The following KLHL38 variants were observed in gnomAD, a reference collection of about 807,000 sequenced individuals.
KLHL38 encodes kelch like family member 38.
In KLHL38, 38 loss-of-function variants were observed where a neutral mutation model predicts 39.6. The ratio of observed to expected loss-of-function variants is 0.96; its 90% CI spans 0.74 to 1.26. The LOEUF is 1.26. Ranked by LOEUF, KLHL38 falls within the 50% of genes most tolerant of loss-of-function variation. KLHL38 has a pLI of 0.00. For synonymous variants in KLHL38, 322 were observed against 302.2 expected, an observed-to-expected ratio of 1.07 and a Z score of -0.68; for missense variants, 803 against 748.1, an observed-to-expected ratio of 1.07 and a Z score of -0.86.
At position 123,647,025 on chromosome 8, in the gene KLHL38, G is replaced by C. The variant is rs770173715; in HGVS notation, c.1351-11C>G. 16 of 1,460,488 alleles carry C rather than the reference G, an allele frequency of 1.1e-5. No homozygotes were observed. The highest frequency in any genetic ancestry group is 1.4e-5 in the Non-Finnish European group (15 of 1,042,294). 90.5% of individuals were successfully genotyped at this position (1,460,488 alleles called of 1,614,324 possible). On this transcript the variant is annotated splice_polypyrimidine_tract_variant and intron_variant, in intron 2 of 3. Transcript: ENST00000684634. ...GGAAATGTGATAAACCTGAGGGAGA[G>C]AGAGAATCATGGCACTGCATTTTAA...
chr8:123,649,439 C>T (rs1246131744), intron 2 of KLHL38, among the ~76,000 whole-genome samples: 2 of 152,120 alleles, frequency 1.3e-5, no homozygotes, highest in East Asian at 3.9e-4. Context: ...TGACCGAGTC[C>T]AAGCCATCAC....
chr8:123,645,470 A>AGG lies in KLHL38; in HGVS notation c.*268_*269insCC. ...GAAAAAGAGAGAGAGAGAGAGAGAG[A>AGG]GAGAGAGAGACAGACAGAGATAGGG... On this transcript the variant is annotated 3_prime_UTR_variant, in exon 4 of 4. Transcript: ENST00000684634. 2.0e-6 allele frequency: 1 copy of AGG among 492,934 alleles called. No homozygotes were observed. The highest frequency in any genetic ancestry group is 3.6e-6 in the Non-Finnish European group (1 of 278,592). The allele number at this position is 492,934 out of a possible 1,614,324, so 30.5% of individuals were successfully genotyped here.
In KLHL38 at chr8:123,647,795, G is replaced by A. The variant is rs941367753; in HGVS notation, c.1351-781C>T. 4.6e-5 allele frequency among the ~76,000 whole-genome samples: 7 copies of A among 152,108 alleles called. No individual in the cohort carries two copies. The South Asian group carries it at 6.2e-4, about 14-fold the overall frequency. On this transcript the variant is annotated intron_variant, in intron 2 of 3. Coordinates refer to ENST00000684634, the MANE Select transcript of KLHL38 (RefSeq NM_001081675.3). ...GTCTTTTCCTATAAAATAAAATTAC[G>A]AGGCCGGGTGCGGTGGCTCACGCCT...
intron 2 of KLHL38, among the ~76,000 whole-genome samples, chr8:123,647,907 A>G (rs761443314): frequency 6.6e-5 from 10 of 152,064 alleles, no homozygotes; most frequent in Non-Finnish European, 1.5e-4. Flanking sequence ...GTGAAACCCC[A>G]TCTCTACTAA....
chr8:123,652,185 A>C lies in KLHL38; in HGVS notation c.742T>G (p.Cys248Gly), dbSNP rs757838919. The C allele has an allele frequency of 2.5e-6, 4 of 1,614,086 alleles. No homozygotes were observed. The African/African-American group carries it at 5.3e-5, about 22-fold the overall frequency. The change falls in exon 2 of 4, where the codon TGC becomes GGC. Residue 248 changes from cysteine to glycine, a missense_variant. By Grantham distance (159) the Cys-to-Gly change is radical. Transcript: ENST00000684634. ...NDALLQSSPA[C>G]QIILETAKRQ... ...TTGGCGGTCTCCAAGATGATCTGGC[A>C]TGCAGGCGAGGACTGCAGGAGGGCA...
At position 123,652,119 on chromosome 8, in the gene KLHL38, A is replaced by G. The variant is rs773818694; in HGVS notation, c.808T>C (p.Cys270Arg). The G allele has an allele frequency of 1.2e-6, 2 of 1,614,198 alleles. No homozygotes were observed. Among genetic ancestry groups the G allele is most frequent in the Non-Finnish European group, 8.5e-7 (1 of 1,180,034 alleles). Residue 270 changes from cysteine (C) to arginine (R), a missense_variant, in exon 2 of 4, where the codon TGC (cysteine) becomes CGC (arginine). By Grantham distance (180) the Cys-to-Arg change is radical. Coordinates refer to ENST00000684634, the MANE Select transcript of KLHL38 (RefSeq NM_001081675.3). ...FSLCGTTVPD[C>R]KLLLHVPPRN... ...GGAGGGACATGCAACAGGAGTTTGCAGTCTGGGACGGTGGTGCCACACAAA... is the reference window on the plus strand; with the variant it reads ...GGAGGGACATGCAACAGGAGTTTGCGGTCTGGGACGGTGGTGCCACACAAA...
At chr8:123,649,699 G>T (rs937613994) in intron 2 of KLHL38, among the ~76,000 whole-genome samples, 1 of 152,144 alleles carries the variant, frequency 6.6e-6, no homozygotes, top group African/African-American at 2.4e-5. Context: ...CCTCAAGAAG[G>T]TTCCAGGATT....
At chr8:123,648,464 G>A (rs914144334) in intron 2 of KLHL38, among the ~76,000 whole-genome samples, 32 of 152,212 alleles carry the variant, frequency 2.1e-4, no homozygotes, top group African/African-American at 7.2e-4. Flanking sequence ...CACAATGGCC[G>A]TTTCATCGGA....
Position 123,651,927 on chromosome 8 carries a change from T to A in KLHL38, c.1000A>T (p.Ile334Phe), listed in dbSNP as rs11784192. ...KASAITLHRS[I>F]YVLGGMAVSS... ...ACAGCCATGCCCCCCAGCACATAGA[T>A]GCTGCGGTGCAAGGTGATGGCAGAG... is the stretch of plus-strand genomic sequence containing the variant. The change falls in exon 2 of 4, where the codon ATC becomes TTC. Residue 334 changes from isoleucine to phenylalanine, a missense_variant. Ile to Phe is a conservative substitution (Grantham distance 21). Transcript: ENST00000684634. 1 of 1,614,020 alleles carries A rather than the reference T, an allele frequency of 6.2e-7. No individual in the cohort carries two copies. The highest frequency in any genetic ancestry group is 8.5e-7 in the Non-Finnish European group (1 of 1,180,036).
At chr8:123,649,499 A>G (rs900465041) in intron 2 of KLHL38, among the ~76,000 whole-genome samples, 7 of 152,042 alleles carry the variant, frequency 4.6e-5, no homozygotes, top group African/African-American at 1.7e-4. Context: ...CCCTTTGTCC[A>G]CTCAGGCCCC....
In KLHL38 at chr8:123,651,731, C is replaced by A. The variant is rs759952152; in HGVS notation, c.1196G>T (p.Gly399Val). ...GGIGEGQELM[G>V]SMERYDSICN... Reference sequence around the variant, plus strand: ...GATGCTGTCATACCTTTCCATGGAGCCCATGAGCTCCTGCCCTTCTCCAAT... The same window carrying A: ...GATGCTGTCATACCTTTCCATGGAGACCATGAGCTCCTGCCCTTCTCCAAT... The change falls in exon 2 of 4, where the codon GGC (glycine) becomes GTC (valine). Residue 399 changes from glycine (G) to valine (V), a missense_variant. By Grantham distance (109) the Gly-to-Val change is moderately radical. Transcript: ENST00000684634. The A allele has an allele frequency of 1.9e-6, 3 of 1,614,194 alleles. No homozygotes were observed. The highest frequency in any genetic ancestry group is 1.7e-6 in the Non-Finnish European group (2 of 1,180,034).
chr8:123,653,312 G>A (rs1325940936), intron 1 of KLHL38, among the ~76,000 whole-genome samples: 2 of 152,136 alleles, frequency 1.3e-5, no homozygotes, highest in South Asian at 2.1e-4. Flanking sequence ...TTTCCAGATC[G>A]ATGGCATATC....
At chr8:123,646,152 C>T (rs895369236) in intron 3 of KLHL38, 124 bp from the exon 4 acceptor site, 31 of 888,514 alleles carry the variant, frequency 3.5e-5, no homozygotes, top group East Asian at 2.3e-4. Context: ...TGAACTAGCA[C>T]GTGGGATGTT....
In KLHL38 at chr8:123,651,761, C is replaced by A. The variant is rs778960377; in HGVS notation, c.1166G>T (p.Gly389Val). Reference protein sequence around the residue: ...TAHKNFIFSIGGIGEGQELMG... With the variant: ...TAHKNFIFSIVGIGEGQELMG... ...GAGCTCCTGCCCTTCTCCAATCCCC[C>A]CGATGGAGAAGATGAAGTTCTTATG... Residue 389 changes from glycine (G) to valine (V), a missense_variant, in exon 2 of 4, where the codon GGG becomes GTG. Coordinates refer to ENST00000684634, the MANE Select transcript of KLHL38 (RefSeq NM_001081675.3). 6.2e-7 allele frequency: 1 copy of A among 1,614,140 alleles called. No homozygotes were observed. The highest frequency in any genetic ancestry group is 8.5e-7 in the Non-Finnish European group (1 of 1,180,012).
Position 123,645,418 on chromosome 8 carries a change from C to T in KLHL38, c.*321G>A, listed in dbSNP as rs1818643120. ...CACCACTGCACTCCAGCCTGGGCTA[C>T]AGAGTGAAACTCCATCTCAAAAAAA... On this transcript the variant is annotated 3_prime_UTR_variant, in exon 4 of 4. Coordinates refer to ENST00000684634, the MANE Select transcript of KLHL38 (RefSeq NM_001081675.3). 1.2e-5 allele frequency: 4 copies of T among 325,238 alleles called. No homozygotes were observed. In the South Asian group the frequency reaches 1.5e-4, roughly 12 times the overall value. 20.1% of individuals were successfully genotyped at this position (325,238 alleles called of 1,614,324 possible).
In KLHL38 at chr8:123,652,354, C is replaced by T. The variant is rs61730397; in HGVS notation, c.573G>A (p.Gly191=). ...RDYLGDDGLC[G]EEEKVFEALM... ...GGGCCTCAAACACCTTTTCCTCCTC[C>T]CCACAGAGCCCATCATCTCCGAGAT... Residue 191 remains glycine, a synonymous_variant, in exon 2 of 4, where the codon GGG becomes GGA. Transcript: ENST00000684634. 88,445 of 1,613,918 alleles carry T rather than the reference C, an allele frequency of 0.055. 2,737 individuals are homozygous for T. The highest frequency in any genetic ancestry group is 0.063 in the Non-Finnish European group (74,605 of 1,180,006).
chr8:123,652,593 A>T lies in KLHL38; in HGVS notation c.334T>A (p.Ser112Thr). The change falls in exon 2 of 4, where the codon TCC (serine) becomes ACC (threonine). Residue 112 changes from serine (S) to threonine (T), a missense_variant. Transcript: ENST00000684634. ...DNVLPVMEAA[S>T]MLQFPKLFEA... is the part of the protein sequence containing the mutation. ...AACAGCTTGGGGAACTGTAGCATGGAGGCGGCCTCCATCACGGGGAGGACA... is the reference window on the plus strand; with the variant it reads ...AACAGCTTGGGGAACTGTAGCATGGTGGCGGCCTCCATCACGGGGAGGACA... 6.2e-7 allele frequency: 1 copy of T among 1,614,156 alleles called. No individual in the cohort carries two copies. Among genetic ancestry groups the T allele is most frequent in the Non-Finnish European group, 8.5e-7 (1 of 1,180,000 alleles).
At chr8:123,649,817 C>T (rs1237897111) in intron 2 of KLHL38, among the ~76,000 whole-genome samples, 3 of 152,172 alleles carry the variant, frequency 2.0e-5, no homozygotes, top group Non-Finnish European at 4.4e-5. Context: ...CGCCCCTAGC[C>T]ACCCCTCTGC....
Position 123,652,247 on chromosome 8 carries a change from A to G in KLHL38, c.680T>C (p.Ile227Thr). Residue 227 changes from isoleucine (I) to threonine (T), a missense_variant, in exon 2 of 4, where the codon ATC (isoleucine) becomes ACC (threonine). Physicochemically the swap from Ile to Thr is moderately conservative, Grantham distance 89. Transcript: ENST00000684634. ...GAAGTGGTGAAAGAAGGCTGGGTGG[A>G]TGTACTGCAGCCTGACCTGCTTGAA... ...ELFKQVRLQY[I>T]HPAFFHHFIA... is the part of the protein sequence containing the mutation. 1 of 1,614,042 alleles carries G rather than the reference A, an allele frequency of 6.2e-7. No homozygotes were observed. The highest frequency in any genetic ancestry group is 1.7e-5 in the Admixed American group (1 of 60,010).
Sources: gnomAD v4.1 joint callset for allele counts (sites outside exome capture counted in the v4.1 genomes callset) on GRCh38, gnomAD v4.1.1 for gene constraint, MANE v1.5 for transcripts, NCBI Gene and HGNC (gene_info 2026-07-23, HGNC 2026-07-21) for gene names.